The following CHRM3 variants were observed in gnomAD, a reference collection of about 807,000 sequenced individuals.
CHRM3 encodes the protein cholinergic receptor muscarinic 3, also known as muscarinic acetylcholine receptor M3.
Under a neutral mutation model 41.8 loss-of-function variants are expected in CHRM3, and 11 were observed. The ratio of observed to expected loss-of-function variants is 0.26; its 90% CI spans 0.17 to 0.44. The LOEUF (loss-of-function observed/expected upper bound fraction) is 0.44. CHRM3 is among the 20% of genes least tolerant of loss of function. CHRM3 has a pLI of 1.00. For synonymous variants in CHRM3, 297 were observed against 301.4 expected, an observed-to-expected ratio of 0.99 and a Z score of 0.15; for missense variants, 571 against 745.4, an observed-to-expected ratio of 0.77 and a Z score of 2.72.
intron 1 of CHRM3, among the ~76,000 whole-genome samples, chr1:239,423,826 C>T (rs1040011369): frequency 1.3e-5 from 2 of 151,756 alleles, no homozygotes; most frequent in Admixed American, 6.6e-5. Flanking sequence ...GGGGCCGAGG[C>T]GGGTGGATCA....
intron 4 of CHRM3, among the ~76,000 whole-genome samples, chr1:239,638,582 T>A (rs1226022733): frequency 3.9e-5 from 6 of 152,236 alleles, no homozygotes; most frequent in Non-Finnish European, 8.8e-5. Flanking sequence ...TGTCTGTTCA[T>A]GTCCTTCGCC....
chr1:239,818,376 AAC>A (rs1391625659), intron 5 of CHRM3, among the ~76,000 whole-genome samples: 3 of 152,194 alleles, frequency 2.0e-5, no homozygotes, highest in Admixed American at 2.0e-4. Flanking sequence ...AATTTTAAAA[AAC>A]ACAATTCAGT....
chr1:239,767,197 T>G (rs1311482837), intron 5 of CHRM3, among the ~76,000 whole-genome samples: 1 of 152,148 alleles, frequency 6.6e-6, no homozygotes, highest in Non-Finnish European at 1.5e-5. Flanking sequence ...CTGGCGTGAT[T>G]TTTTTTAAGT....
intron 1 of CHRM3, among the ~76,000 whole-genome samples, chr1:239,435,652 A>T (rs1197246504): frequency 6.6e-6 from 1 of 151,796 alleles, no homozygotes; most frequent in Non-Finnish European, 1.5e-5. Flanking sequence ...GTCCATACTT[A>T]AAAAAAAGTG....
intron 5 of CHRM3, among the ~76,000 whole-genome samples, chr1:239,701,341 A>G (rs1202245267): frequency 6.6e-6 from 1 of 152,168 alleles, no homozygotes; most frequent in Non-Finnish European, 1.5e-5. Flanking sequence ...ACTAATGAGC[A>G]AGACCAGACA....
chr1:239,396,062 A>G (rs187307945), intron 1 of CHRM3, among the ~76,000 whole-genome samples: 32 of 152,278 alleles, frequency 2.1e-4, no homozygotes, highest in Non-Finnish European at 2.6e-4. Context: ...CTCTTGCTGC[A>G]TAGGATGCCC....
chr1:239,814,537 G>A (rs1394466233), intron 5 of CHRM3, among the ~76,000 whole-genome samples: 6 of 152,080 alleles, frequency 3.9e-5, no homozygotes, highest in East Asian at 1.9e-4. Context: ...ACTGTCATGC[G>A]TACCTGCCTG....
Position 239,739,647 on chromosome 1 carries a change from A to C in CHRM3, c.-147+61359A>C, listed in dbSNP as rs553017957. Among the ~76,000 whole-genome samples, 20 of 152,286 alleles carry C rather than the reference A, an allele frequency of 1.3e-4. No individual in the cohort carries two copies. In the East Asian group the frequency reaches 3.9e-3, roughly 29 times the overall value. ...TCAGCATCGTATTATATGCTCAGAT[A>C]GCCTCAGTCACATGCTGGAGGATTT... On this transcript the variant is annotated intron_variant, in intron 5 of 6. Coordinates refer to ENST00000676153, the MANE Select transcript of CHRM3 (RefSeq NM_001375978.1).
intron 5 of CHRM3, among the ~76,000 whole-genome samples, chr1:239,694,277 A>G (rs949321334): frequency 1.3e-5 from 2 of 152,224 alleles, no homozygotes; most frequent in African/African-American, 2.4e-5. Flanking sequence ...ATTTCACAGT[A>G]TCTTGAGGCA....
rs539519970 is a variant in CHRM3, at chr1:239,503,054, A to G, written c.-422+10247A>G. ...TCTTCAACATAGTACTGAAAGTCCT[A>G]GCCAGAGCAATCAGACACAAGAAAG... On this transcript the variant is annotated intron_variant, in intron 2 of 6. Transcript: ENST00000676153. Among the ~76,000 whole-genome samples the G allele has an allele frequency of 4.6e-5, 7 of 152,312 alleles. No individual in the cohort carries two copies. In the East Asian group the frequency reaches 1.4e-3, roughly 29 times the overall value.
chr1:239,815,890 T>C (rs973051712), intron 5 of CHRM3, among the ~76,000 whole-genome samples: 19 of 152,248 alleles, frequency 1.2e-4, no homozygotes, highest in African/African-American at 3.9e-4. Context: ...TGATGCGCAG[T>C]GACAGCACTT....
chr1:239,901,385 TG>T (rs1679552487), intron 6 of CHRM3, among the ~76,000 whole-genome samples: 1 of 152,106 alleles, frequency 6.6e-6, no homozygotes, highest in Non-Finnish European at 1.5e-5. Flanking sequence ...AAGTCTTCTT[TG>T]TCCATCACCC....
intron 3 of CHRM3, among the ~76,000 whole-genome samples, chr1:239,589,050 C>T (rs1031438503): frequency 1.6e-4 from 24 of 152,188 alleles, no homozygotes; most frequent in African/African-American, 5.8e-4. Flanking sequence ...TCTCCTGCCT[C>T]AGCCTCCCAA....
At chr1:239,399,563 T>G (rs1277246324) in intron 1 of CHRM3, among the ~76,000 whole-genome samples, 2 of 152,150 alleles carry the variant, frequency 1.3e-5, no homozygotes, top group African/African-American at 4.8e-5. Flanking sequence ...AAGTTCCACT[T>G]TTTGGGATTC....
At chr1:239,641,164 T>C (rs999262976) in intron 4 of CHRM3, among the ~76,000 whole-genome samples, 2 of 152,322 alleles carry the variant, frequency 1.3e-5, no homozygotes, top group East Asian at 3.9e-4. Context: ...TTACATTTGC[T>C]GAGGAGTGCT....
In CHRM3 at chr1:239,396,246, G is replaced by T. The variant is rs377372354; in HGVS notation, c.-521+9019G>T. Among the ~76,000 whole-genome samples, 5 of 152,158 alleles carry T rather than the reference G, an allele frequency of 3.3e-5. No individual in the cohort carries two copies. In the East Asian group the frequency reaches 9.7e-4, roughly 29 times the overall value. On this transcript the variant is annotated intron_variant, in intron 1 of 6. Coordinates refer to ENST00000676153, the MANE Select transcript of CHRM3 (RefSeq NM_001375978.1). ...TGAAATATCAGACTGTGAACTCCTT[G>T]AAAGATGCTGTGTTTTGTTGGTCTT...
rs1665076525 is a variant in CHRM3 at position 239,743,775 on chromosome 1, T to C, written c.-147+65487T>C. ...AGTGATCTTCTTTTTCTTTTTCTTT[T>C]TCTTTTTTTTTTCTTTTTTTTTTTT... On this transcript the variant is annotated intron_variant, in intron 5 of 6. Transcript: ENST00000676153. 2.0e-5 allele frequency among the ~76,000 whole-genome samples: 3 copies of C among 147,900 alleles called. No individual in the cohort carries two copies. The South Asian group carries it at 6.4e-4, about 32-fold the overall frequency.
intron 3 of CHRM3, among the ~76,000 whole-genome samples, chr1:239,610,456 T>C (rs796207284): frequency 5.9e-5 from 9 of 152,262 alleles, no homozygotes; most frequent in African/African-American, 2.2e-4. Context: ...CCATTTCTCA[T>C]GTCAGGGTTA....
chr1:239,762,681 CA>C (rs1455485824), intron 5 of CHRM3, among the ~76,000 whole-genome samples: 3 of 152,030 alleles, frequency 2.0e-5, no homozygotes, highest in Admixed American at 2.0e-4. Flanking sequence ...TAGATGATAC[CA>C]AAATCCAAAA....
Sources: allele counts gnomAD v4.1 joint callset (sites outside exome capture counted in the v4.1 genomes callset), GRCh38; gene constraint gnomAD v4.1.1; transcripts MANE v1.5; gene names NCBI Gene and HGNC (gene_info 2026-07-23, HGNC 2026-07-21).